Variants in DNAH7 observed in about 807,000 individuals in gnomAD.
DNAH7 encodes axonemal beta dynein heavy chain 7.
A neutral mutation model predicts 444.6 loss-of-function variants in DNAH7; 397 were observed. That is an observed-to-expected ratio of 0.89 (90% CI 0.82 to 0.97). The LOEUF is 0.97. DNAH7 is among the 50% of genes least tolerant of loss of function. The pLI is 0.00. For synonymous variants in DNAH7, 1,636 were observed against 1,624.4 expected (o/e 1.01, Z -0.17); for missense variants, 4,902 against 4,800.8 (o/e 1.02, Z -0.62).
At chr2:195,945,833 A>G (rs1409601566) in intron 19 of DNAH7, among the ~76,000 whole-genome samples, 1 of 152,228 alleles carries the variant, frequency 6.6e-6, no homozygotes, top group Non-Finnish European at 1.5e-5. Context: ...ATGAAATACA[A>G]AAGACTTGGA....
At chr2:195,829,191 C>G (rs1697942534) in intron 48 of DNAH7, among the ~76,000 whole-genome samples, 1 of 152,092 alleles carries the variant, frequency 6.6e-6, no homozygotes, top group Non-Finnish European at 1.5e-5. Flanking sequence ...ATAGGTGGTT[C>G]TCAGTTGTCA....
rs146227886 is a variant in DNAH7 at position 195,806,038 on chromosome 2, CTTTAA to C, written c.10176+697_10176+701del. 0.015 allele frequency among the ~76,000 whole-genome samples: 2,308 copies of C among 151,726 alleles called. 194 individuals carry two copies. The East Asian group carries it at 0.26, about 17-fold the overall frequency. Reference sequence around the variant, plus strand: ...TAAGTTTTGAAATATTTATGTCAAACTTTAATTTGAGTGGTAATAATGGACAACTA... The same window carrying C: ...TAAGTTTTGAAATATTTATGTCAAACTTTGAGTGGTAATAATGGACAACTA... On this transcript the variant is annotated intron_variant, in intron 54 of 64. Coordinates refer to ENST00000312428, the MANE Select transcript of DNAH7 (RefSeq NM_018897.3).
chr2:195,854,820 G>A (rs1401924489), intron 45 of DNAH7, among the ~76,000 whole-genome samples: 1 of 152,066 alleles, frequency 6.6e-6, no homozygotes, highest in African/African-American at 2.4e-5. Flanking sequence ...TGTTTAAAGA[G>A]AGCAACTGCA....
chr2:195,999,871 TAA>T (rs748041934), intron 12 of DNAH7, among the ~76,000 whole-genome samples: 4 of 152,136 alleles, frequency 2.6e-5, no homozygotes, highest in Non-Finnish European at 5.9e-5. Flanking sequence ...AAACTAAACA[TAA>T]ATTGTTTAGT....
intron 56 of DNAH7, 56 bp downstream of exon 56, chr2:195,796,520 T>C: frequency 6.3e-7 from 1 of 1,587,496 alleles, no homozygotes; most frequent in Non-Finnish European, 8.6e-7. Context: ...ATGTTATGTA[T>C]ATTACTAATT....
chr2:195,875,605 T>C (rs896695467), intron 38 of DNAH7, 70 bp downstream of exon 38: 72 of 1,426,406 alleles, frequency 5.0e-5, no homozygotes, highest in Non-Finnish European at 6.4e-5. Flanking sequence ...AGGATTTTTT[T>C]CCAGTTATTT....
At chr2:195,895,301 G>C in intron 29 of DNAH7, 77 bp from the exon 30 acceptor site, 2 of 955,478 alleles carry the variant, frequency 2.1e-6, no homozygotes, top group Non-Finnish European at 3.0e-6. Flanking sequence ...GATGGAAATA[G>C]GGCCATTAGA....
At chr2:195,766,805 T>C (rs970623676) in intron 61 of DNAH7, among the ~76,000 whole-genome samples, 36 of 152,154 alleles carry the variant, frequency 2.4e-4, no homozygotes, top group Admixed American at 1.5e-3. Flanking sequence ...ATCCCACAAA[T>C]ATATACATCT....
intron 28 of DNAH7, among the ~76,000 whole-genome samples, 174 bp from the exon 29 acceptor site, chr2:195,897,939 TTG>T (rs1004500825): frequency 2.0e-5 from 3 of 151,456 alleles, no homozygotes; most frequent in African/African-American, 7.3e-5. Context: ...TTTAAACTTG[TTG>T]TGTTTTTTTT....
At chr2:195,886,389 C>A in intron 33 of DNAH7, 117 bp from the exon 34 acceptor site, 2 of 903,684 alleles carry the variant, frequency 2.2e-6, no homozygotes, top group Non-Finnish European at 3.3e-6. Flanking sequence ...ATTTTAAATT[C>A]ATACTACCTA....
At chr2:195,940,794 G>C (rs916065168) in intron 19 of DNAH7, among the ~76,000 whole-genome samples, 1 of 152,142 alleles carries the variant, frequency 6.6e-6, no homozygotes, top group Non-Finnish European at 1.5e-5. Context: ...CTTGTTATTA[G>C]AGAAATGCAA....
chr2:195,847,793 C>T (rs558059558), intron 46 of DNAH7, among the ~76,000 whole-genome samples: 28 of 152,178 alleles, frequency 1.8e-4, no homozygotes, highest in African/African-American at 5.5e-4. Context: ...GTAGGAGAGA[C>T]GGAAAACTTT....
intron 54 of DNAH7, among the ~76,000 whole-genome samples, chr2:195,801,029 C>T (rs1171518983): frequency 1.3e-5 from 2 of 152,170 alleles, no homozygotes; most frequent in Non-Finnish European, 2.9e-5. Context: ...AAAGTCAAGA[C>T]ACCCTTTGGG....
chr2:195,777,699 A>C lies in DNAH7; in HGVS notation c.11064+101T>G. 2.3e-6 allele frequency: 3 copies of C among 1,279,270 alleles called. No homozygotes were observed. In the South Asian group the frequency reaches 4.4e-5, roughly 19 times the overall value. The allele number at this position is 1,279,270 out of a possible 1,614,324, so 79.2% of individuals were successfully genotyped here. On this transcript the variant is annotated intron_variant, in intron 59 of 64. Coordinates refer to ENST00000312428, the MANE Select transcript of DNAH7 (RefSeq NM_018897.3). ...AAGAAAGCACAGACAAGGGTAACAAAAAAACAAGGCCTGCAGCAAAATCAC... is the reference window on the plus strand; with the variant it reads ...AAGAAAGCACAGACAAGGGTAACAACAAAACAAGGCCTGCAGCAAAATCAC...
At position 195,796,602 on chromosome 2, in the gene DNAH7, T is replaced by C; in HGVS notation, c.10489A>G (p.Met3497Val). The change falls in exon 56 of 65, where the codon ATG (methionine) becomes GTG (valine). Residue 3497 changes from methionine (M) to valine (V), a missense_variant. By Grantham distance (21) the Met-to-Val change is conservative (BLOSUM62 1). Transcript: ENST00000312428. ...LQNCHLATSW[M>V]PTLEKVCEEL... ...TCACAGACTTTCTCAAGGGTTGGCATCCAAGAGGTGGCAAGGTGACAATTC... is the reference window on the plus strand; with the variant it reads ...TCACAGACTTTCTCAAGGGTTGGCACCCAAGAGGTGGCAAGGTGACAATTC... 6.2e-7 allele frequency: 1 copy of C among 1,614,150 alleles called. No individual in the cohort carries two copies. Among genetic ancestry groups the C allele is most frequent in the Non-Finnish European group, 8.5e-7 (1 of 1,180,002 alleles).
chr2:196,013,744 T>C lies in DNAH7; in HGVS notation c.870-838A>G, dbSNP rs1293184523. Among the ~76,000 whole-genome samples, 5 of 152,344 alleles carry C rather than the reference T, an allele frequency of 3.3e-5. No homozygotes were observed. The East Asian group carries it at 5.8e-4, about 18-fold the overall frequency. On this transcript the variant is annotated intron_variant, in intron 9 of 64. Transcript: ENST00000312428. Reference sequence around the variant, plus strand: ...AGAACCAATGTGTTATTCTGCATAATTGAGCAATGTAATGTTTTAAATAAA... The same window carrying C: ...AGAACCAATGTGTTATTCTGCATAACTGAGCAATGTAATGTTTTAAATAAA...
At chr2:195,844,197 A>C (rs772517325) in intron 47 of DNAH7, among the ~76,000 whole-genome samples, 15 of 152,192 alleles carry the variant, frequency 9.9e-5, no homozygotes, top group Non-Finnish European at 1.8e-4. Context: ...CATGCCTCAA[A>C]CATTTTTACT....
intron 15 of DNAH7, among the ~76,000 whole-genome samples, chr2:195,984,187 T>C (rs1692755124): frequency 1.3e-5 from 2 of 152,174 alleles, no homozygotes; most frequent in South Asian, 4.1e-4. Flanking sequence ...CAAGTCAACC[T>C]GCTGAAGGTT....
At chr2:195,844,707 G>A (rs939904281) in intron 47 of DNAH7, among the ~76,000 whole-genome samples, 2 of 151,998 alleles carry the variant, frequency 1.3e-5, no homozygotes, top group Non-Finnish European at 2.9e-5. Flanking sequence ...TGTATTTTAT[G>A]GAAATGAAAA....
Sources: gnomAD v4.1 joint callset for allele counts (sites outside exome capture counted in the v4.1 genomes callset) on GRCh38, gnomAD v4.1.1 for gene constraint, MANE v1.5 for transcripts, NCBI Gene and HGNC (gene_info 2026-07-23, HGNC 2026-07-21) for gene names.